Variants in CPNE4 observed in about 807,000 individuals in gnomAD.
The protein encoded by CPNE4 is copine-4.
CPNE4 carries 25 observed loss-of-function variants against 67.9 expected under a neutral mutation model. The ratio of observed to expected loss-of-function variants is 0.37; its 90% CI spans 0.27 to 0.51. CPNE4 has a LOEUF of 0.51. Ranked by LOEUF, CPNE4 falls within the 20% of genes least tolerant of loss-of-function variation. The pLI is 0.93. For missense variants in CPNE4, 464 were observed against 690.8 expected (o/e 0.67, Z 3.68); for synonymous variants, 242 against 244.9 (o/e 0.99, Z 0.11).
intron 1 of CPNE4, among the ~76,000 whole-genome samples, chr3:131,969,164 C>CATGG (rs2107942175): frequency 6.6e-6 from 1 of 151,978 alleles, no homozygotes; most frequent in Non-Finnish European, 1.5e-5. Context: ...AATGAGAACA[C>CATGG]ATGGACACAG....
chr3:131,730,251 G>A (rs776715744), intron 2 of CPNE4, among the ~76,000 whole-genome samples: 13 of 152,236 alleles, frequency 8.5e-5, no homozygotes, highest in East Asian at 3.9e-4. Context: ...ATATGTCATA[G>A]TATAATTGGA....
At position 131,945,656 on chromosome 3, in the gene CPNE4, CTCTT is replaced by C. The variant is rs562048971; in HGVS notation, c.-1-40216_-1-40213del. The stretch of plus-strand genomic sequence containing the variant: ...TAGAAACTGCATCGTAGTCTGAAAG[CTCTT>C]TCTACCTACTCTGTTCTCTTCCCAC... On this transcript the variant is annotated intron_variant, in intron 1 of 15. Transcript: ENST00000429747. 6.4e-4 allele frequency among the ~76,000 whole-genome samples: 98 copies of C among 152,286 alleles called. 1 individual carries two copies. The South Asian group carries it at 0.011, about 18-fold the overall frequency.
chr3:131,823,074 C>T (rs531481900), intron 2 of CPNE4, among the ~76,000 whole-genome samples: 2 of 152,250 alleles, frequency 1.3e-5, no homozygotes, highest in Admixed American at 6.5e-5. Flanking sequence ...CTCCTGACCT[C>T]GTGATCTGCC....
intron 1 of CPNE4, among the ~76,000 whole-genome samples, chr3:131,918,674 A>G (rs1560599704): frequency 6.6e-6 from 1 of 152,218 alleles, no homozygotes; most frequent in Admixed American, 6.5e-5. Flanking sequence ...GTGCTAATAG[A>G]TAATCTTAAA....
rs1046285582 is a variant in CPNE4 at position 131,852,827 on chromosome 3, T to C, written c.180+52437A>G. The stretch of plus-strand genomic sequence containing the variant: ...TTTCAATATACAAAAATCAATTGTA[T>C]TTTTGTTTTTAATAATAATACAAAA... On this transcript the variant is annotated intron_variant, in intron 2 of 15. Transcript: ENST00000429747. 4.5e-4 allele frequency among the ~76,000 whole-genome samples: 68 copies of C among 151,818 alleles called. 1 individual carries two copies. The highest frequency in any genetic ancestry group is 1.6e-3 in the African/African-American group (68 of 41,526).
intron 1 of CPNE4, among the ~76,000 whole-genome samples, chr3:131,952,057 C>G (rs1354929468): frequency 6.7e-6 from 1 of 149,906 alleles, no homozygotes; most frequent in Non-Finnish European, 1.5e-5. Flanking sequence ...CTCTGCCTGG[C>G]TGCCCAGTCT....
chr3:131,894,254 G>A (rs948180557), intron 2 of CPNE4, among the ~76,000 whole-genome samples: 4 of 151,860 alleles, frequency 2.6e-5, no homozygotes, highest in African/African-American at 9.7e-5. Context: ...CTCAGGACCT[G>A]ATGGCCTTAC....
chr3:131,963,194 C>T (rs1393045371), intron 1 of CPNE4, among the ~76,000 whole-genome samples: 1 of 152,094 alleles, frequency 6.6e-6, no homozygotes, highest in African/African-American at 2.4e-5. Context: ...CCATGAGGGA[C>T]TGTCCTATCT....
rs2071066939 is a variant in CPNE4, at chr3:131,931,744, G to A, written c.-1-26300C>T. ...CAGTTGGCACATTTTTTGTCCCTAAGACAAATGCAGGGCATAGTGAACAAA... is the reference window on the plus strand; with the variant it reads ...CAGTTGGCACATTTTTTGTCCCTAAAACAAATGCAGGGCATAGTGAACAAA... On this transcript the variant is annotated intron_variant, in intron 1 of 15. Coordinates refer to ENST00000429747, the MANE Select transcript of CPNE4 (RefSeq NM_130808.3). 4.6e-5 allele frequency among the ~76,000 whole-genome samples: 7 copies of A among 152,016 alleles called. 1 individual carries two copies. In the South Asian group the frequency reaches 1.5e-3, roughly 32 times the overall value.
chr3:131,998,547 G>C (rs947249654), intron 1 of CPNE4, among the ~76,000 whole-genome samples: 2 of 152,090 alleles, frequency 1.3e-5, no homozygotes, highest in Non-Finnish European at 2.9e-5. Flanking sequence ...GGTATTGAAC[G>C]TGTTTGAGGA....
chr3:131,623,748 C>T (rs979908069), intron 7 of CPNE4, among the ~76,000 whole-genome samples: 2 of 152,190 alleles, frequency 1.3e-5, no homozygotes, highest in Non-Finnish European at 2.9e-5. Flanking sequence ...CCAAAATCTG[C>T]ATTTAAACAA....
chr3:131,672,495 A>G (rs1391368742), intron 6 of CPNE4, among the ~76,000 whole-genome samples: 3 of 152,054 alleles, frequency 2.0e-5, no homozygotes, highest in African/African-American at 4.8e-5. Flanking sequence ...AGTATTTATT[A>G]TGGCCTTTTG....
In CPNE4 at chr3:131,686,990, C is replaced by A. The variant is rs1320784901; in HGVS notation, c.508-1032G>T. 3.3e-5 allele frequency among the ~76,000 whole-genome samples: 5 copies of A among 152,272 alleles called. No individual in the cohort carries two copies. In the East Asian group the frequency reaches 7.7e-4, roughly 24 times the overall value. On this transcript the variant is annotated intron_variant, in intron 5 of 15. Transcript: ENST00000429747. ...GTAGCTATTTTTTTAAACTAGGCTT[C>A]CCAGACTTTCTATCCACACTATTTT...
In CPNE4 at chr3:131,542,822, G is replaced by T. The variant is rs577700110; in HGVS notation, c.1303-29C>A. The T allele has an allele frequency of 3.4e-6, 5 of 1,490,644 alleles. No individual in the cohort carries two copies. The Admixed American group carries it at 5.1e-5, about 15-fold the overall frequency. 92.3% of individuals were successfully genotyped at this position (1,490,644 alleles called of 1,614,324 possible). A position where few individuals can be genotyped will look rare whatever the true frequency, so the allele number is the denominator to read the frequency against. On this transcript the variant is annotated intron_variant, in intron 14 of 15. Transcript: ENST00000429747. ...CAGTCAGATGCCCCATGATGATGGG[G>T]GGGGGTGAAGAGGTGAGGGAGACAA... is the stretch of plus-strand genomic sequence containing the variant.
intron 2 of CPNE4, among the ~76,000 whole-genome samples, chr3:131,847,536 G>A (rs1392650453): frequency 6.6e-6 from 1 of 152,160 alleles, no homozygotes; most frequent in Non-Finnish European, 1.5e-5. Context: ...GGGGTCGATA[G>A]GTAGTGGAAT....
intron 7 of CPNE4, among the ~76,000 whole-genome samples, chr3:131,644,332 GGAGACAGGGTT>G (rs1257566268): frequency 6.6e-6 from 1 of 151,746 alleles, no homozygotes; most frequent in Non-Finnish European, 1.5e-5. Flanking sequence ...TATTTTTATT[GGAGACAGGGTT>G]TCACCATGTT....
intron 7 of CPNE4, among the ~76,000 whole-genome samples, chr3:131,647,351 G>C (rs2079692169): frequency 6.6e-6 from 1 of 152,192 alleles, no homozygotes; most frequent in African/African-American, 2.4e-5. Flanking sequence ...ACAGGACCAA[G>C]TTACCAGGAG....
chr3:132,001,953 G>A (rs1323217749), intron 1 of CPNE4, among the ~76,000 whole-genome samples: 1 of 152,020 alleles, frequency 6.6e-6, no homozygotes, highest in Non-Finnish European at 1.5e-5. Context: ...TAGGGGTTTT[G>A]TGTTTTTTTC....
chr3:131,600,630 C>A (rs1217230605), intron 7 of CPNE4, among the ~76,000 whole-genome samples: 1 of 147,278 alleles, frequency 6.8e-6, no homozygotes, highest in Non-Finnish European at 1.5e-5. Context: ...CCCACTCTGA[C>A]CCCGCCTCGA....
Sources: gnomAD v4.1 joint callset for allele counts (sites outside exome capture counted in the v4.1 genomes callset) on GRCh38, gnomAD v4.1.1 for gene constraint, MANE v1.5 for transcripts, NCBI Gene and HGNC (gene_info 2026-07-23, HGNC 2026-07-21) for gene names.